Variants in TM4SF4 observed in about 807,000 individuals in gnomAD.
The protein encoded by TM4SF4 is transmembrane 4 L six family member 4, also known as transmembrane 4 L6 family member 4.
Under a neutral mutation model 24.1 loss-of-function variants are expected in TM4SF4, and 24 were observed. The ratio of observed to expected loss-of-function variants is 1.00; its 90% CI spans 0.72 to 1.40. The LOEUF (loss-of-function observed/expected upper bound fraction) is 1.40. Among genes scored for constraint, TM4SF4 ranks in the 40% most tolerant of loss-of-function variants. TM4SF4 has a pLI of 0.00. For synonymous variants in TM4SF4, 113 were observed against 97.0 expected (o/e 1.17, Z -0.97); for missense variants, 254 against 254.2 (o/e 1.00, Z 0.01).
intron 2 of TM4SF4, among the ~76,000 whole-genome samples, chr3:149,479,810 C>T (rs552156192): frequency 3.3e-5 from 5 of 152,260 alleles, no homozygotes; most frequent in African/African-American, 7.2e-5. Context: ...TTTATTTTCC[C>T]GGTTCCTCTC....
At position 149,474,800 on chromosome 3, in the gene TM4SF4, C is replaced by T. The variant is rs988483618; in HGVS notation, c.-78C>T. ...GGAGACAATTACAAGGACTCTCTGGCCAAAAACCCTTGAAGAGGCCCCGTG... is the reference window on the plus strand; with the variant it reads ...GGAGACAATTACAAGGACTCTCTGGTCAAAAACCCTTGAAGAGGCCCCGTG... On this transcript the variant is annotated 5_prime_UTR_variant, in exon 1 of 5. Coordinates refer to ENST00000305354, the MANE Select transcript of TM4SF4 (RefSeq NM_004617.4). The T allele has an allele frequency of 2.0e-6, 3 of 1,470,560 alleles. No homozygotes were observed. Among genetic ancestry groups the T allele is most frequent in the Non-Finnish European group, 2.7e-6 (3 of 1,098,802 alleles). 91.1% of individuals were successfully genotyped at this position (1,470,560 alleles called of 1,614,324 possible).
At chr3:149,489,689 G>A (rs1479596305) in intron 3 of TM4SF4, among the ~76,000 whole-genome samples, 20 of 152,320 alleles carry the variant, frequency 1.3e-4, no homozygotes, top group African/African-American at 4.8e-4. Context: ...TACTTCTGGA[G>A]AAGCAAGTTT....
At chr3:149,488,373 G>C (rs1488279424) in intron 3 of TM4SF4, among the ~76,000 whole-genome samples, 1 of 152,166 alleles carries the variant, frequency 6.6e-6, no homozygotes, top group Non-Finnish European at 1.5e-5. Flanking sequence ...TAATTACTCT[G>C]TGCCAAGGCA....
chr3:149,480,063 A>G (rs1225216157), intron 2 of TM4SF4, among the ~76,000 whole-genome samples: 1 of 152,188 alleles, frequency 6.6e-6, no homozygotes. Flanking sequence ...GCTGAGCTCC[A>G]AAGGCCTGCG....
chr3:149,486,277 T>A (rs1191288758), intron 2 of TM4SF4, among the ~76,000 whole-genome samples: 1 of 152,194 alleles, frequency 6.6e-6, no homozygotes, highest in African/African-American at 2.4e-5. Context: ...GTGGGCTCTA[T>A]CATGCCCATT....
At chr3:149,499,740 T>A in intron 4 of TM4SF4, among the ~76,000 whole-genome samples, 1 of 152,176 alleles carries the variant, frequency 6.6e-6, no homozygotes, top group African/African-American at 2.4e-5. Context: ...TCAAGCATAG[T>A]GGCACATGCC....
intron 2 of TM4SF4, among the ~76,000 whole-genome samples, chr3:149,485,671 G>T (rs140651686): frequency 6.6e-6 from 1 of 152,166 alleles, no homozygotes; most frequent in Non-Finnish European, 1.5e-5. Flanking sequence ...GTGCATGCCT[G>T]TAGTCCTAGC....
rs749030311 is a variant in TM4SF4 at position 149,474,820 on chromosome 3, C to T, written c.-58C>T. Reference sequence around the variant, plus strand: ...TCTGGCCAAAAACCCTTGAAGAGGCCCCGTGAAGGAGGCAGTGAGGAGCTT... The same window carrying T: ...TCTGGCCAAAAACCCTTGAAGAGGCTCCGTGAAGGAGGCAGTGAGGAGCTT... On this transcript the variant is annotated 5_prime_UTR_variant, in exon 1 of 5. Coordinates refer to ENST00000305354, the MANE Select transcript of TM4SF4 (RefSeq NM_004617.4). 6.3e-4 allele frequency: 970 copies of T among 1,528,730 alleles called. 2 individuals are homozygous for T. Among genetic ancestry groups the T allele is most frequent in the Non-Finnish European group, 7.9e-4 (894 of 1,138,692 alleles). The allele number at this position is 1,528,730 out of a possible 1,614,324, so 94.7% of individuals were successfully genotyped here. A position where few individuals can be genotyped will look rare whatever the true frequency, so the allele number is the denominator to read the frequency against.
chr3:149,491,662 T>TG (rs545528757), intron 3 of TM4SF4, among the ~76,000 whole-genome samples: 35 of 152,260 alleles, frequency 2.3e-4, no homozygotes, highest in African/African-American at 8.2e-4. Context: ...CGAATAGACA[T>TG]GGTTCCTTTC....
chr3:149,489,539 C>A (rs1734175830), intron 3 of TM4SF4, among the ~76,000 whole-genome samples: 1 of 152,186 alleles, frequency 6.6e-6, no homozygotes, highest in South Asian at 2.1e-4. Flanking sequence ...AACACCCTCC[C>A]CTCACACACG....
At chr3:149,477,495 C>A (rs957985888) in intron 2 of TM4SF4, among the ~76,000 whole-genome samples, 1 of 152,210 alleles carries the variant, frequency 6.6e-6, no homozygotes, top group Non-Finnish European at 1.5e-5. Context: ...AAACAGGATC[C>A]TTTTAACATT....
intron 4 of TM4SF4, among the ~76,000 whole-genome samples, chr3:149,501,525 G>A (rs1734424863): frequency 6.6e-6 from 1 of 152,152 alleles, no homozygotes; most frequent in Non-Finnish European, 1.5e-5. Flanking sequence ...AGTAATTTTT[G>A]GACATCACAA....
Position 149,474,814 on chromosome 3 carries a change from A to G in TM4SF4, c.-64A>G. On this transcript the variant is annotated 5_prime_UTR_variant, in exon 1 of 5. Transcript: ENST00000305354. ...GGACTCTCTGGCCAAAAACCCTTGA[A>G]GAGGCCCCGTGAAGGAGGCAGTGAG... is the stretch of plus-strand genomic sequence containing the variant. The G allele has an allele frequency of 6.6e-7, 1 of 1,515,668 alleles. No individual in the cohort carries two copies. The allele number at this position is 1,515,668 out of a possible 1,614,324, so 93.9% of individuals were successfully genotyped here. A position where few individuals can be genotyped will look rare whatever the true frequency, so the allele number is the denominator to read the frequency against.
chr3:149,491,746 G>A (rs925043070), intron 3 of TM4SF4, among the ~76,000 whole-genome samples: 3 of 152,308 alleles, frequency 2.0e-5, no homozygotes, highest in Middle Eastern at 3.4e-3. Context: ...TGGAGAAGGA[G>A]TGCGGGGGGA....
chr3:149,496,706 T>G (rs1460567243), intron 3 of TM4SF4, among the ~76,000 whole-genome samples: 1 of 151,938 alleles, frequency 6.6e-6, no homozygotes, highest in East Asian at 1.9e-4. Context: ...AGGCACAGGT[T>G]GCAGTGAGCC....
In TM4SF4 at chr3:149,475,269, G is replaced by A. The variant is rs531396479; in HGVS notation, c.174+218G>A. 2.0e-5 allele frequency among the ~76,000 whole-genome samples: 3 copies of A among 152,236 alleles called. No homozygotes were observed. In the South Asian group the frequency reaches 6.2e-4, roughly 32 times the overall value. ...ACTAAGTAATTAATCTCTAAGCTTG[G>A]GCTGACAGTTCTCATGGGTCATTTG... is the stretch of plus-strand genomic sequence containing the variant. On this transcript the variant is annotated intron_variant, in intron 1 of 4. Coordinates refer to ENST00000305354, the MANE Select transcript of TM4SF4 (RefSeq NM_004617.4).
rs542103868 is a variant in TM4SF4, at chr3:149,476,478, ACT to A, written c.264+567_264+568del. Reference sequence around the variant, plus strand: ...TGTTTCATGCGGCCATCGATCTTGAACTAGAGACGTTAGGCATCAAAGTTCCA... The same window carrying A: ...TGTTTCATGCGGCCATCGATCTTGAAAGAGACGTTAGGCATCAAAGTTCCA... On this transcript the variant is annotated intron_variant, in intron 2 of 4. Transcript: ENST00000305354. Among the ~76,000 whole-genome samples the A allele has an allele frequency of 2.5e-4, 38 of 152,312 alleles. No individual in the cohort carries two copies. In the South Asian group the frequency reaches 4.1e-3, roughly 17 times the overall value.
chr3:149,490,339 T>C (rs1242725160), intron 3 of TM4SF4, among the ~76,000 whole-genome samples: 1 of 152,254 alleles, frequency 6.6e-6, no homozygotes, highest in Non-Finnish European at 1.5e-5. Flanking sequence ...GAAGTTCACC[T>C]TGAATTTCTT....
At chr3:149,484,844 G>A (rs1426111028) in intron 2 of TM4SF4, among the ~76,000 whole-genome samples, 1 of 152,140 alleles carries the variant, frequency 6.6e-6, no homozygotes, top group Non-Finnish European at 1.5e-5. Context: ...GAGCCACCAC[G>A]CTAGGCCTAG....
Sources: allele counts gnomAD v4.1 joint callset (sites outside exome capture counted in the v4.1 genomes callset), GRCh38; gene constraint gnomAD v4.1.1; transcripts MANE v1.5; gene names NCBI Gene and HGNC (gene_info 2026-07-23, HGNC 2026-07-21).